The following TLR3 variants were observed in gnomAD, a reference collection of about 807,000 sequenced individuals.
TLR3 encodes toll like receptor 3, also known as toll-like receptor 3.
A neutral mutation model predicts 66.4 loss-of-function variants in TLR3; 43 were observed. The observed-to-expected ratio is 0.65, with a 90% CI of 0.51 to 0.83. TLR3 has a LOEUF of 0.83. Ranked by LOEUF, TLR3 falls within the 40% of genes least tolerant of loss-of-function variation. The pLI is 0.00. For missense variants in TLR3, 982 were observed against 1,044.6 expected, an observed-to-expected ratio of 0.94 and a Z score of 0.83; for synonymous variants, 397 against 397.2, an observed-to-expected ratio of 1.00 and a Z score of 0.01.
chr4:186,084,518 A>G, intron 4 of TLR3, 127 bp from the exon 5 acceptor site: 2 of 696,386 alleles, frequency 2.9e-6, no homozygotes, highest in Non-Finnish European at 4.7e-6. Flanking sequence ...GAATTTTTAA[A>G]ATAAAATTAA....
chr4:186,079,695 G>C (rs1339431629), intron 3 of TLR3, among the ~76,000 whole-genome samples: 2 of 152,188 alleles, frequency 1.3e-5, no homozygotes, highest in Non-Finnish European at 2.9e-5. Flanking sequence ...TCTGTCACGG[G>C]AGAGCAACAA....
intron 1 of TLR3, among the ~76,000 whole-genome samples, chr4:186,070,003 G>A (rs1240875056): frequency 6.6e-6 from 1 of 152,202 alleles, no homozygotes; most frequent in African/African-American, 2.4e-5. Context: ...GTTAACTCCA[G>A]GTAGTCTGCC....
At position 186,076,874 on chromosome 4, in the gene TLR3, C is replaced by T. The variant is rs200030290; in HGVS notation, c.255C>T (p.Asn85=). 11 of 1,614,178 alleles carry T rather than the reference C, an allele frequency of 6.8e-6. No homozygotes were observed. The East Asian group carries it at 1.1e-4, about 16-fold the overall frequency. Residue 85 remains asparagine (N), a synonymous_variant, in exon 2 of 5, where the codon AAC becomes AAT. Transcript: ENST00000296795. ...SQLTSLDVGF[N]TISKLEPELC... Reference sequence around the variant, plus strand: ...TAACTAGCTTGGATGTAGGATTTAACACCATCTCAAAACTGGAGCCAGAAT... The same window carrying T: ...TAACTAGCTTGGATGTAGGATTTAATACCATCTCAAAACTGGAGCCAGAAT...
chr4:186,077,158 T>C (rs2099302580), intron 2 of TLR3, 98 bp downstream of exon 2: 9 of 1,294,620 alleles, frequency 7.0e-6, no homozygotes, highest in Non-Finnish European at 8.6e-6. Context: ...GGAAGAAATT[T>C]GATCTAATCC....
Position 186,082,420 on chromosome 4 carries a change from T to C in TLR3, c.734T>C (p.Leu245Ser). Residue 245 changes from leucine (L) to serine (S), a missense_variant, in exon 4 of 5, where the codon TTA (leucine) becomes TCA (serine). This residue lies in a region of TLR3 where 313 missense variants were observed against 319.0 expected (regional missense o/e 0.98). Transcript: ENST00000296795. ...CTTACAGAGAAGCTATGTTTGGAAT[T>C]AGCAAACACAAGCATTCGGAATCTG... is the stretch of plus-strand genomic sequence containing the variant. ...PSLTEKLCLE[L>S]ANTSIRNLSL... The C allele has an allele frequency of 6.2e-7, 1 of 1,614,082 alleles. No individual in the cohort carries two copies. The highest frequency in any genetic ancestry group is 8.5e-7 in the Non-Finnish European group (1 of 1,180,018).
chr4:186,083,989 AT>A lies in TLR3; in HGVS notation c.2305del (p.Trp769GlyfsTer32). Reference protein sequence around the residue: ...AYIIHAYKDKDWVWEHFSSME... With the variant: ...AYIIHAYKDKXWVWEHFSSME... ...ATAATTCATGCCTATAAAGATAAGG[AT>A]TGGGTCTGGGAACATTTCTCTTCAA... is the stretch of plus-strand genomic sequence containing the variant. On this transcript the variant is annotated frameshift_variant, in exon 4 of 5. Coordinates refer to ENST00000296795, the MANE Select transcript of TLR3 (RefSeq NM_003265.3). LOFTEE classifies it high-confidence loss of function. This position sits in a 1 kb window ranked among gnomAD's most constrained non-coding sequence, Gnocchi z 4.0. 1 of 1,614,180 alleles carries A rather than the reference AT, an allele frequency of 6.2e-7. No homozygotes were observed. The highest frequency in any genetic ancestry group is 8.5e-7 in the Non-Finnish European group (1 of 1,180,034).
chr4:186,078,871 G>T lies in TLR3; in HGVS notation c.473G>T (p.Gly158Val). ...NLITLDLSHN[G>V]LSSTKLGTQV... The stretch of plus-strand genomic sequence containing the variant: ...ATCACATTAGATCTGTCTCATAATG[G>T]CTTGTCATCTACAAAATTAGGAACT... The change falls in exon 3 of 5, where the codon GGC (glycine) becomes GTC (valine). Residue 158 changes from glycine (G) to valine (V), a missense_variant. Gly to Val is a moderately radical substitution (Grantham distance 109). Coordinates refer to ENST00000296795, the MANE Select transcript of TLR3 (RefSeq NM_003265.3). 6.2e-7 allele frequency: 1 copy of T among 1,613,856 alleles called. No individual in the cohort carries two copies. Among genetic ancestry groups the T allele is most frequent in the Non-Finnish European group, 8.5e-7 (1 of 1,179,944 alleles).
intron 3 of TLR3, among the ~76,000 whole-genome samples, chr4:186,080,032 T>A (rs1203847671): frequency 2.0e-5 from 3 of 152,152 alleles, no homozygotes; most frequent in Admixed American, 2.0e-4. Flanking sequence ...GAAGACAGAC[T>A]AATAATTTAC....
intron 2 of TLR3, 80 bp from the exon 3 acceptor site, chr4:186,078,760 T>C (rs550549811): frequency 1.7e-6 from 2 of 1,199,832 alleles, no homozygotes; most frequent in Admixed American, 3.9e-5. Context: ...TGTTGAAGTA[T>C]TTTTCAGATG....
chr4:186,078,566 G>A (rs955252711), intron 2 of TLR3, among the ~76,000 whole-genome samples: 1 of 152,112 alleles, frequency 6.6e-6, no homozygotes, highest in African/African-American at 2.4e-5. Flanking sequence ...ATAAGCTTAA[G>A]TCTTTTTTAT....
chr4:186,084,795 G>A lies in TLR3; in HGVS notation c.2637G>A (p.Trp879Ter), dbSNP rs2099304103. 1 of 1,613,962 alleles carries A rather than the reference G, an allele frequency of 6.2e-7. No homozygotes were observed. Among genetic ancestry groups the A allele is most frequent in the African/African-American group, 1.3e-5 (1 of 74,912 alleles). Residue 879 changes from tryptophan (W) to a stop codon, truncating the protein, a stop_gained, in exon 5 of 5, where the codon TGG becomes TGA. Coordinates refer to ENST00000296795, the MANE Select transcript of TLR3 (RefSeq NM_003265.3). LOFTEE classifies it high-confidence loss of function. ...GMFKSHCILN[W>*]PVQKERIGAF... is the part of the protein sequence containing the mutation. ...TTAAATCTCACTGCATCTTGAACTGGCCAGTTCAGAAAGAACGGATAGGTG... is the reference window on the plus strand; with the variant it reads ...TTAAATCTCACTGCATCTTGAACTGACCAGTTCAGAAAGAACGGATAGGTG...
intron 1 of TLR3, among the ~76,000 whole-genome samples, chr4:186,069,574 C>G (rs1172077538): frequency 2.0e-5 from 3 of 152,186 alleles, no homozygotes; most frequent in African/African-American, 7.2e-5. Context: ...CATTTTGCAA[C>G]AGTCTTTTTA....
Position 186,082,344 on chromosome 4 carries a change from A to T in TLR3, c.658A>T (p.Ile220Phe). Residue 220 changes from isoleucine to phenylalanine, a missense_variant, in exon 4 of 5, where the codon ATT becomes TTT. Physicochemically the swap from Ile to Phe is conservative, Grantham distance 21. Around this residue, in one of 3 missense-constraint regions of TLR3, gnomAD observed 313 missense variants for 319.0 expected, o/e 0.98. Coordinates refer to ENST00000296795, the MANE Select transcript of TLR3 (RefSeq NM_003265.3). ...KEFSPGCFHA[I>F]GRLFGLFLNN... is the part of the protein sequence containing the mutation. ...GTTTTCTCCAGGGTGTTTTCACGCA[A>T]TTGGAAGATTATTTGGCCTCTTTCT... 6.2e-7 allele frequency: 1 copy of T among 1,610,940 alleles called. No individual in the cohort carries two copies. Among genetic ancestry groups the T allele is most frequent in the Non-Finnish European group, 8.5e-7 (1 of 1,178,750 alleles).
At position 186,083,851 on chromosome 4, in the gene TLR3, T is replaced by C; in HGVS notation, c.2165T>C (p.Leu722Pro). The C allele has an allele frequency of 6.2e-7, 1 of 1,614,192 alleles. No individual in the cohort carries two copies. Among genetic ancestry groups the C allele is most frequent in the Non-Finnish European group, 8.5e-7 (1 of 1,180,030 alleles). Residue 722 changes from leucine to proline, a missense_variant, in exon 4 of 5, where the codon CTC (leucine) becomes CCC (proline). Physicochemically the swap from Leu to Pro is moderately conservative, Grantham distance 98. Coordinates refer to ENST00000296795, the MANE Select transcript of TLR3 (RefSeq NM_003265.3). This position sits in a 1 kb window ranked among gnomAD's most constrained non-coding sequence, Gnocchi z 4.0. ...ILLIFIFIVL[L>P]IHFEGWRISF... ...TTGATTTTTATCTTTATTGTACTTC[T>C]CATCCACTTTGAGGGCTGGAGGATA...
chr4:186,083,902 A>C lies in TLR3; in HGVS notation c.2216A>C (p.His739Pro). The C allele has an allele frequency of 6.2e-7, 1 of 1,614,186 alleles. No homozygotes were observed. Among genetic ancestry groups the C allele is most frequent in the Non-Finnish European group, 8.5e-7 (1 of 1,180,036 alleles). Residue 739 changes from histidine to proline, a missense_variant, in exon 4 of 5, where the codon CAT (histidine) becomes CCT (proline). Physicochemically the swap from His to Pro is moderately conservative, Grantham distance 77. Around this residue, in one of 3 missense-constraint regions of TLR3, gnomAD observed 666 missense variants for 709.0 expected, o/e 0.94. Transcript: ENST00000296795. This position sits in a 1 kb window ranked among gnomAD's most constrained non-coding sequence, Gnocchi z 4.0. ...RISFYWNVSV[H>P]RVLGFKEIDR... ...TCTTTTTATTGGAATGTTTCAGTAC[A>C]TCGAGTTCTTGGTTTCAAAGAAATA...
intron 3 of TLR3, 30 bp from the exon 4 acceptor site, chr4:186,082,290 T>C (rs776984468): frequency 6.3e-7 from 1 of 1,596,856 alleles, no homozygotes. Context: ...TTCTTTTGAT[T>C]GTTAACCTCT....
chr4:186,082,291 G>T (rs761471687), intron 3 of TLR3, 29 bp from the exon 4 acceptor site: 3 of 1,206,078 alleles, frequency 2.5e-6, no homozygotes, highest in South Asian at 2.4e-5. Flanking sequence ...TCTTTTGATT[G>T]TTAACCTCTT....
At position 186,079,003 on chromosome 4, in the gene TLR3, T is replaced by TA; in HGVS notation, c.606dup (p.Glu203ArgfsTer8). The TA allele has an allele frequency of 6.2e-7, 1 of 1,613,838 alleles. No individual in the cohort carries two copies. The highest frequency in any genetic ancestry group is 2.2e-5 in the East Asian group (1 of 44,854). On this transcript the variant is annotated frameshift_variant, in exon 3 of 5. Coordinates refer to ENST00000296795, the MANE Select transcript of TLR3 (RefSeq NM_003265.3). LOFTEE classifies it high-confidence loss of function. ...TTTGCCAATTCATCTTTAAAAAAAT[T>TA]AGAGTTGTCATCGAATCAAATTAAA...
intron 1 of TLR3, among the ~76,000 whole-genome samples, chr4:186,073,850 G>A (rs142982063): frequency 6.6e-6 from 1 of 152,180 alleles, no homozygotes; most frequent in African/African-American, 2.4e-5. Flanking sequence ...CTGACACTCA[G>A]ATACATAAAA....
Sources: allele counts gnomAD v4.1 joint callset (sites outside exome capture counted in the v4.1 genomes callset), GRCh38; gene constraint gnomAD v4.1.1; regional missense constraint gnomAD v4.1.1; non-coding constraint Gnocchi (gnomAD v3.1); transcripts MANE v1.5; gene names NCBI Gene and HGNC (gene_info 2026-07-23, HGNC 2026-07-21).